The following PDSS2 variants were observed in gnomAD, a reference collection of about 807,000 sequenced individuals.
PDSS2 encodes the protein decaprenyl diphosphate synthase subunit 2.
A neutral mutation model predicts 44.5 loss-of-function variants in PDSS2; 31 were observed. The observed-to-expected ratio is 0.70, with a 90% CI of 0.52 to 0.94. The LOEUF is 0.94. Among genes scored for constraint, PDSS2 ranks in the 40% least tolerant of loss-of-function variants. PDSS2 has a pLI of 0.00. For missense variants in PDSS2, 452 were observed against 482.2 expected, an observed-to-expected ratio of 0.94 and a Z score of 0.59; for synonymous variants, 157 against 180.3, an observed-to-expected ratio of 0.87 and a Z score of 1.03.
chr6:107,235,523 A>G (rs905753112), intron 4 of PDSS2, among the ~76,000 whole-genome samples: 2 of 152,224 alleles, frequency 1.3e-5, no homozygotes, highest in Non-Finnish European at 2.9e-5. Context: ...ATAAAGCTTA[A>G]AAGTGACACC....
In PDSS2 at chr6:107,264,337, CTAT is replaced by C; in HGVS notation, c.630+9689_630+9691del. The C allele has an allele frequency of 4.7e-6, 7 of 1,486,768 alleles. No homozygotes were observed. The South Asian group carries it at 9.6e-5, about 20-fold the overall frequency. 92.1% of individuals were successfully genotyped at this position (1,486,768 alleles called of 1,614,324 possible). A position where few individuals can be genotyped will look rare whatever the true frequency, so the allele number is the denominator to read the frequency against. On this transcript the variant is annotated intron_variant, in intron 3 of 7. Transcript: ENST00000369037. ...AAGTTAACATAAGGAAATACATCAGCTATGTAAAGAGTACATCTGTGCCACTGG... is the reference window on the plus strand; with the variant it reads ...AAGTTAACATAAGGAAATACATCAGCGTAAAGAGTACATCTGTGCCACTGG...
intron 1 of PDSS2, among the ~76,000 whole-genome samples, chr6:107,354,760 C>A (rs1562483070): frequency 6.6e-6 from 1 of 152,030 alleles, no homozygotes. Context: ...CTTGAGGATC[C>A]TTACCTTAAA....
At chr6:107,291,752 C>A (rs1187797969) in intron 2 of PDSS2, among the ~76,000 whole-genome samples, 1 of 151,900 alleles carries the variant, frequency 6.6e-6, no homozygotes, top group African/African-American at 2.4e-5. Context: ...GTGGCTCATG[C>A]CTGTAATCCC....
At chr6:107,260,881 C>T (rs1226901083) in intron 3 of PDSS2, among the ~76,000 whole-genome samples, 1 of 152,042 alleles carries the variant, frequency 6.6e-6, no homozygotes. Flanking sequence ...CCAGGATGGT[C>T]TCGATCTCCT....
chr6:107,184,863 G>A (rs760225515), intron 7 of PDSS2, among the ~76,000 whole-genome samples: 3 of 151,356 alleles, frequency 2.0e-5, no homozygotes, highest in South Asian at 4.2e-4. Flanking sequence ...GCTTAAGCAT[G>A]AGCAATTATT....
At chr6:107,353,651 T>C (rs896694798) in intron 1 of PDSS2, among the ~76,000 whole-genome samples, 2 of 152,190 alleles carry the variant, frequency 1.3e-5, no homozygotes, top group East Asian at 3.9e-4. Flanking sequence ...TACAAAAAGA[T>C]AGGTGGCACC....
At chr6:107,350,179 C>T (rs1165409837) in intron 1 of PDSS2, among the ~76,000 whole-genome samples, 1 of 152,176 alleles carries the variant, frequency 6.6e-6, no homozygotes, top group Admixed American at 6.5e-5. Flanking sequence ...AGCAGATTTC[C>T]ACTTTGGCCG....
At chr6:107,176,635 T>C (rs1771799814) in intron 7 of PDSS2, among the ~76,000 whole-genome samples, 1 of 152,146 alleles carries the variant, frequency 6.6e-6, no homozygotes, top group Non-Finnish European at 1.5e-5. Flanking sequence ...GCTAAGTACG[T>C]TTGTGAGTTC....
At chr6:107,435,490 TTA>T (rs1781323409) in intron 1 of PDSS2, among the ~76,000 whole-genome samples, 3 of 152,150 alleles carry the variant, frequency 2.0e-5, no homozygotes, top group Admixed American at 2.0e-4. Context: ...AGCAAAAGCT[TTA>T]TATATACTAG....
At chr6:107,291,556 G>GGC (rs1300713117) in intron 2 of PDSS2, among the ~76,000 whole-genome samples, 5 of 149,722 alleles carry the variant, frequency 3.3e-5, no homozygotes, top group Admixed American at 2.7e-4. Flanking sequence ...AGAGACGGGG[G>GGC]GGTCTCACTA....
intron 1 of PDSS2, among the ~76,000 whole-genome samples, chr6:107,446,247 T>C (rs1341647126): frequency 3.3e-5 from 5 of 151,200 alleles, no homozygotes; most frequent in African/African-American, 1.2e-4. Flanking sequence ...ACCCAGGAGG[T>C]GGAGGTTGCA....
intron 4 of PDSS2, among the ~76,000 whole-genome samples, chr6:107,226,859 G>C (rs1288948490): frequency 6.6e-6 from 1 of 151,538 alleles, no homozygotes; most frequent in Non-Finnish European, 1.5e-5. Flanking sequence ...TTTTAGTAGA[G>C]AAGTGGTTTC....
chr6:107,307,855 A>T (rs1403805907), intron 2 of PDSS2, among the ~76,000 whole-genome samples: 1 of 152,182 alleles, frequency 6.6e-6, no homozygotes, highest in East Asian at 1.9e-4. Context: ...AGAGTAATAT[A>T]AGCCAACAGT....
At chr6:107,268,251 T>C (rs538776903) in intron 3 of PDSS2, among the ~76,000 whole-genome samples, 1 of 152,272 alleles carries the variant, frequency 6.6e-6, no homozygotes, top group African/African-American at 2.4e-5. Context: ...TTATGAGAAA[T>C]GTCTTTAAAG....
In PDSS2 at chr6:107,240,411, T is replaced by C. The variant is rs1774381633; in HGVS notation, c.702+5137A>G. Among the ~76,000 whole-genome samples, 4 of 151,078 alleles carry C rather than the reference T, an allele frequency of 2.6e-5. No individual in the cohort carries two copies. The South Asian group carries it at 6.4e-4, about 24-fold the overall frequency. ...GTGAGACCCTACCTTTTTTTTTTTT[T>C]TTTTTTTGAAACTGCAGTCTCACTC... On this transcript the variant is annotated intron_variant, in intron 4 of 7. Coordinates refer to ENST00000369037, the MANE Select transcript of PDSS2 (RefSeq NM_020381.4).
Position 107,406,983 on chromosome 6 carries a change from T to C in PDSS2, c.296+52007A>G, listed in dbSNP as rs140665637. 4.0e-3 allele frequency among the ~76,000 whole-genome samples: 616 copies of C among 152,296 alleles called. 7 individuals carry two copies. The highest frequency in any genetic ancestry group is 0.014 in the African/African-American group (594 of 41,550). Reference sequence around the variant, plus strand: ...GGAGAATGAACCAGAATGAATTTGCTCTGCTCTCCTATTTAGCCACTGACT... The same window carrying C: ...GGAGAATGAACCAGAATGAATTTGCCCTGCTCTCCTATTTAGCCACTGACT... On this transcript the variant is annotated intron_variant, in intron 1 of 7. Coordinates refer to ENST00000369037, the MANE Select transcript of PDSS2 (RefSeq NM_020381.4).
chr6:107,253,354 T>A lies in PDSS2; in HGVS notation c.631-7735A>T, dbSNP rs1262214414. ...CCCGGCCATGTTTGTGGTTTAAGTA[T>A]CACTAAGGGACCATGTCTAAACAAG... On this transcript the variant is annotated intron_variant, in intron 3 of 7. Coordinates refer to ENST00000369037, the MANE Select transcript of PDSS2 (RefSeq NM_020381.4). 2.0e-5 allele frequency among the ~76,000 whole-genome samples: 3 copies of A among 152,362 alleles called. No homozygotes were observed. In the East Asian group the frequency reaches 5.8e-4, roughly 29 times the overall value.
intron 7 of PDSS2, among the ~76,000 whole-genome samples, chr6:107,167,566 T>C (rs527472007): frequency 6.6e-6 from 1 of 152,246 alleles, no homozygotes; most frequent in Non-Finnish European, 1.5e-5. Flanking sequence ...TTAATTGTGA[T>C]GTTAGGGTGT....
intron 1 of PDSS2, among the ~76,000 whole-genome samples, chr6:107,421,705 T>A (rs1272302999): frequency 2.0e-5 from 3 of 151,190 alleles, no homozygotes; most frequent in Non-Finnish European, 4.4e-5. Flanking sequence ...CACTTTGTAG[T>A]CTCAAAGTGC....
Sources: allele counts gnomAD v4.1 joint callset (sites outside exome capture counted in the v4.1 genomes callset), GRCh38; gene constraint gnomAD v4.1.1; transcripts MANE v1.5; gene names NCBI Gene and HGNC (gene_info 2026-07-23, HGNC 2026-07-21).